Variants in KLHDC4 observed in about 807,000 individuals in gnomAD.
The protein encoded by KLHDC4 is kelch domain containing 4, also known as kelch domain-containing protein 4.
In KLHDC4, 90 loss-of-function variants were observed where a neutral mutation model predicts 62.4. The ratio of observed to expected loss-of-function variants is 1.44; its 90% confidence interval spans 1.22 to 1.72. The LOEUF (loss-of-function observed/expected upper bound fraction) is 1.72, where lower values mean the gene tolerates loss of function less well. Among genes scored for constraint, KLHDC4 ranks in the 40% most tolerant of loss-of-function variants. The probability of loss-of-function intolerance (pLI) is 0.00; values close to 1 mark genes in which losing one functional copy is unlikely to be tolerated. For synonymous variants in KLHDC4, 386 were observed against 284.4 expected, an observed-to-expected ratio of 1.36 and a Z score of -3.59; for missense variants, 1,025 against 699.7, an observed-to-expected ratio of 1.47 and a Z score of -5.25.
At chr16:87,734,344 A>G (rs1359614586) in intron 5 of KLHDC4, among the ~76,000 whole-genome samples, 1 of 152,122 alleles carries the variant, frequency 6.6e-6, no homozygotes, top group Non-Finnish European at 1.5e-5. Flanking sequence ...ACTCCGTCTC[A>G]AGAAAAAAAA....
intron 1 of KLHDC4, among the ~76,000 whole-genome samples, chr16:87,763,277 A>G (rs926969587): frequency 7.2e-5 from 11 of 152,190 alleles, no homozygotes; most frequent in Non-Finnish European, 1.0e-4. Context: ...TGTATCCCTA[A>G]GCAACATATA....
At chr16:87,734,986 A>C (rs1445211514) in intron 5 of KLHDC4, among the ~76,000 whole-genome samples, 1 of 78,256 alleles carries the variant, frequency 1.3e-5, no homozygotes, top group African/African-American at 5.2e-5. Flanking sequence ...CCCCCTCCTG[A>C]CGAATTGCCT....
In KLHDC4 at chr16:87,700,652, GGGA is replaced by G. The variant is rs1464916402; in HGVS notation, c.*984_*986del. On this transcript the variant is annotated 3_prime_UTR_variant, in exon 1 of 1. Transcript: ENST00000446344. ...AGGAGGGAGAACGCTGGAGGGCAGA[GGGA>G]GGAGGGCAGAGGGCGGAGGGAGGAG... The G allele has an allele frequency of 4.7e-5, 11 of 236,380 alleles. No homozygotes were observed. In the East Asian group the frequency reaches 1.2e-3, roughly 27 times the overall value. The allele number at this position is 236,380 out of a possible 1,614,324, so 14.6% of individuals were successfully genotyped here.
At chr16:87,703,869 G>C (rs191827893), downstream of KLHDC4, among the ~76,000 whole-genome samples, 15 of 152,340 alleles carry the variant, frequency 9.8e-5, no homozygotes, top group African/African-American at 2.6e-4. Context: ...CAGCTCTCTC[G>C]TGAAAGAGTA....
exon 1 of KLHDC4, chr16:87,701,584 C>T (rs980808532): frequency 8.9e-5 from 37 of 415,740 alleles, no homozygotes; most frequent in Admixed American, 3.2e-4. Context: ...GGGCCCAGGC[C>T]GCTGGGTTTC....
At chr16:87,717,248 A>T (rs2037189505) in intron 7 of KLHDC4, among the ~76,000 whole-genome samples, 1 of 152,236 alleles carries the variant, frequency 6.6e-6, no homozygotes, top group Non-Finnish European at 1.5e-5. Flanking sequence ...AAAATTAAAG[A>T]GACCAAGATT....
At chr16:87,747,246 T>C (rs1047181166) in intron 5 of KLHDC4, among the ~76,000 whole-genome samples, 9 of 151,916 alleles carry the variant, frequency 5.9e-5, no homozygotes, top group African/African-American at 1.7e-4. Flanking sequence ...GTTAGCCGCA[T>C]TCTATCACAG....
chr16:87,716,455 C>G (rs185536530), intron 7 of KLHDC4, among the ~76,000 whole-genome samples: 11 of 152,276 alleles, frequency 7.2e-5, no homozygotes, highest in African/African-American at 2.6e-4. Flanking sequence ...CCACTAGGAG[C>G]CTTTACAGCT....
chr16:87,755,462 G>T, intron 3 of KLHDC4, 170 bp from the exon 4 acceptor site: 1 of 492,592 alleles, frequency 2.0e-6, no homozygotes, highest in African/African-American at 2.0e-5. Context: ...TGGGGATGAC[G>T]ACACAATGAA....
At chr16:87,734,281 C>A (rs1269160528) in intron 5 of KLHDC4, among the ~76,000 whole-genome samples, 2 of 151,960 alleles carry the variant, frequency 1.3e-5, no homozygotes, top group East Asian at 3.9e-4. Flanking sequence ...GAGGTGGGAG[C>A]TGCAGTGAGC....
intron 8 of KLHDC4, 131 bp downstream of exon 8, chr16:87,714,353 CGAAATGAGCCATCT>C: frequency 1.0e-6 from 1 of 990,178 alleles, no homozygotes. Flanking sequence ...CGGCCCACCC[CGAAATGAGCCATCT>C]CGGCAGGCCC....
At chr16:87,723,739 A>T (rs2038856787) in intron 7 of KLHDC4, among the ~76,000 whole-genome samples, 1 of 152,300 alleles carries the variant, frequency 6.6e-6, no homozygotes, top group Non-Finnish European at 1.5e-5. Flanking sequence ...AGGCAGCAGA[A>T]TGAACGTGGA....
intron 7 of KLHDC4, among the ~76,000 whole-genome samples, chr16:87,715,345 A>G (rs2036735243): frequency 6.6e-6 from 1 of 152,066 alleles, no homozygotes; most frequent in Admixed American, 6.6e-5. Context: ...CGCCCACACC[A>G]ATGTCCTCCC....
Position 87,709,436 on chromosome 16 carries a change from C to T in KLHDC4, c.1276G>A (p.Ala426Thr), listed in dbSNP as rs772194192. The change falls in exon 10 of 12, where the codon GCA becomes ACA. Residue 426 changes from alanine to threonine, a missense_variant. By Grantham distance (58) the Ala-to-Thr change is moderately conservative. Transcript: ENST00000270583. ...TTGGAGCGTGGACACGGCCCAGGTG[C>T]GGGGCTGCCGGCCTCCTCAAGGCTG... is the stretch of plus-strand genomic sequence containing the variant. The part of the protein sequence containing the change: ...EDSLEEAGSP[A>T]PGPCPRSNAM... The T allele has an allele frequency of 1.6e-5, 25 of 1,612,560 alleles. No individual in the cohort carries two copies. Among genetic ancestry groups the T allele is most frequent in the African/African-American group, 2.7e-5 (2 of 75,064 alleles).
chr16:87,722,906 G>GGGTGGGT (rs776483912), intron 7 of KLHDC4, among the ~76,000 whole-genome samples: 1 of 152,274 alleles, frequency 6.6e-6, no homozygotes, highest in Admixed American at 6.5e-5. Context: ...TGTGAGGTGA[G>GGGTGGGT]GGTGGGTGGC....
At chr16:87,717,416 A>C (rs2037220665) in intron 7 of KLHDC4, among the ~76,000 whole-genome samples, 1 of 152,244 alleles carries the variant, frequency 6.6e-6, no homozygotes, top group African/African-American at 2.4e-5. Context: ...TGAAACATGC[A>C]AATGATCCAC....
chr16:87,762,164 C>G (rs765244537), intron 1 of KLHDC4, 124 bp from the exon 2 acceptor site: 6 of 1,498,448 alleles, frequency 4.0e-6, no homozygotes, highest in Non-Finnish European at 5.3e-6. Context: ...TGAATTGCAA[C>G]ATACTGTGCC....
chr16:87,736,582 A>C (rs1016719150), intron 5 of KLHDC4, among the ~76,000 whole-genome samples: 2 of 152,180 alleles, frequency 1.3e-5, no homozygotes, highest in Non-Finnish European at 2.9e-5. Context: ...TGCTTTTCCG[A>C]GTATCAAGTC....
At chr16:87,748,116 G>A (rs1404639982) in intron 5 of KLHDC4, among the ~76,000 whole-genome samples, 1 of 152,170 alleles carries the variant, frequency 6.6e-6, no homozygotes, top group East Asian at 1.9e-4. Flanking sequence ...CAAACATGTA[G>A]CTCTTGACTA....
Sources: gnomAD v4.1 joint callset for allele counts (sites outside exome capture counted in the v4.1 genomes callset) on GRCh38, gnomAD v4.1.1 for gene constraint, MANE v1.5 for transcripts, NCBI Gene and HGNC (gene_info 2026-07-23, HGNC 2026-07-21) for gene names.